PLXNA4: variants seen among roughly 807,000 people sequenced by gnomAD.
The protein encoded by PLXNA4 is plexin-A4.
PLXNA4 carries 44 observed loss-of-function variants against 191.8 expected under a neutral mutation model. That is an observed-to-expected ratio of 0.23 (90% CI 0.18 to 0.29). PLXNA4 has a LOEUF of 0.29. Among genes scored for constraint, PLXNA4 ranks in the 10% least tolerant of loss-of-function variants. The probability of loss-of-function intolerance (pLI) is 1.00; values close to 1 mark genes in which losing one functional copy is unlikely to be tolerated. For synonymous variants in PLXNA4, 1,082 were observed against 1,009.5 expected, an observed-to-expected ratio of 1.07 and a Z score of -1.36; for missense variants, 1,800 against 2,488.8, an observed-to-expected ratio of 0.72 and a Z score of 5.89.
intron 20 of PLXNA4, among the ~76,000 whole-genome samples, chr7:132,177,283 G>A (rs1796507533): frequency 6.6e-6 from 1 of 152,210 alleles, no homozygotes; most frequent in African/African-American, 2.4e-5. Flanking sequence ...AAATACACGG[G>A]TATGTTTATA....
At chr7:132,298,268 T>C (rs764418536) in intron 3 of PLXNA4, 46 bp from the exon 4 acceptor site, 66 of 1,571,946 alleles carry the variant, frequency 4.2e-5, no homozygotes, top group Non-Finnish European at 5.5e-5. Context: ...GATCCTGCAC[T>C]GCCCACAGCC....
intron 30 of PLXNA4, among the ~76,000 whole-genome samples, chr7:132,138,831 C>G (rs1276862137): frequency 6.6e-6 from 1 of 152,220 alleles, no homozygotes; most frequent in African/African-American, 2.4e-5. Flanking sequence ...TCAGCTCTGA[C>G]TATGCAGCCT....
intron 3 of PLXNA4, among the ~76,000 whole-genome samples, chr7:132,337,715 A>G (rs529040101): frequency 1.3e-5 from 2 of 152,314 alleles, no homozygotes; most frequent in African/African-American, 4.8e-5. Flanking sequence ...ACACAACCAG[A>G]CCATGTTCAA....
chr7:132,638,338 C>G (rs1357700289), intron 2 of PLXNA4, among the ~76,000 whole-genome samples: 1 of 152,184 alleles, frequency 6.6e-6, no homozygotes, highest in Non-Finnish European at 1.5e-5. Context: ...GTGAGACAAT[C>G]TCAGTAAAAC....
intron 30 of PLXNA4, among the ~76,000 whole-genome samples, chr7:132,134,171 G>A (rs140484485): frequency 6.6e-6 from 1 of 152,204 alleles, no homozygotes; most frequent in Non-Finnish European, 1.5e-5. Context: ...GGTTGTGCAA[G>A]TATTGGTGAC....
intron 3 of PLXNA4, among the ~76,000 whole-genome samples, chr7:132,437,199 C>A (rs1002780841): frequency 6.6e-6 from 1 of 152,210 alleles, no homozygotes; most frequent in African/African-American, 2.4e-5. Flanking sequence ...GCCACACCAA[C>A]TAATACAGGG....
rs566534562 is a variant in PLXNA4 at position 132,479,245 on chromosome 7, G to C, written c.1371+10047C>G. On this transcript the variant is annotated intron_variant, in intron 3 of 31. Coordinates refer to ENST00000321063, the MANE Select transcript of PLXNA4 (RefSeq NM_020911.2). ...GATAGCACCACTTCACTTTGGCCTG[G>C]GTGACAGAGCAAGACCCTATCTCTT... Among the ~76,000 whole-genome samples, 20 of 151,694 alleles carry C rather than the reference G, an allele frequency of 1.3e-4. 1 individual carries two copies. Among genetic ancestry groups the C allele is most frequent in the Admixed American group, 5.9e-4 (9 of 15,262 alleles).
intron 2 of PLXNA4, among the ~76,000 whole-genome samples, chr7:132,586,796 T>G (rs893524277): frequency 1.3e-5 from 2 of 152,024 alleles, no homozygotes; most frequent in African/African-American, 4.8e-5. Context: ...TGTGGTGGCA[T>G]GTGCCTGTAG....
intron 20 of PLXNA4, 22 bp downstream of exon 20, chr7:132,179,665 C>T: frequency 6.2e-7 from 1 of 1,604,104 alleles, no homozygotes; most frequent in Non-Finnish European, 8.5e-7. Flanking sequence ...CACATGGCCT[C>T]CAGCATGGGG....
intron 30 of PLXNA4, among the ~76,000 whole-genome samples, chr7:132,139,965 C>T (rs1171364776): frequency 6.6e-6 from 1 of 152,210 alleles, no homozygotes; most frequent in Non-Finnish European, 1.5e-5. Context: ...CATTAACCTT[C>T]TTTACCATGA....
chr7:132,241,249 T>A, intron 4 of PLXNA4, 83 bp from the exon 5 acceptor site: 1 of 883,324 alleles, frequency 1.1e-6, no homozygotes, highest in Non-Finnish European at 1.7e-6. Flanking sequence ...GCTCTAAATA[T>A]CAAGTGTATC....
At chr7:132,176,858 G>A (rs923801472) in intron 20 of PLXNA4, among the ~76,000 whole-genome samples, 1 of 152,098 alleles carries the variant, frequency 6.6e-6, no homozygotes, top group Non-Finnish European at 1.5e-5. Flanking sequence ...GTGTATGTCT[G>A]TGTGTATGCA....
intron 3 of PLXNA4, among the ~76,000 whole-genome samples, chr7:132,441,176 C>T (rs1168130424): frequency 6.6e-6 from 1 of 152,200 alleles, no homozygotes; most frequent in East Asian, 1.9e-4. Context: ...ACTGAAGTCT[C>T]CTAACTCTTA....
chr7:132,480,035 A>G (rs1055808308), intron 3 of PLXNA4, among the ~76,000 whole-genome samples: 1 of 152,160 alleles, frequency 6.6e-6, no homozygotes, highest in East Asian at 1.9e-4. Flanking sequence ...CTAACCTCCC[A>G]TTCAATCATA....
chr7:132,198,672 A>T, intron 12 of PLXNA4, 36 bp from the exon 13 acceptor site: 1 of 1,608,906 alleles, frequency 6.2e-7, no homozygotes, highest in Non-Finnish European at 8.5e-7. Flanking sequence ...GACAAACACC[A>T]AGATACTGCC....
intron 3 of PLXNA4, among the ~76,000 whole-genome samples, chr7:132,349,052 C>G (rs1046645074): frequency 2.6e-5 from 4 of 152,168 alleles, no homozygotes; most frequent in African/African-American, 9.7e-5. Context: ...CTGTAAGACA[C>G]TGGTAGCCAT....
intron 3 of PLXNA4, among the ~76,000 whole-genome samples, chr7:132,364,169 A>G (rs1804061737): frequency 6.6e-6 from 1 of 152,120 alleles, no homozygotes; most frequent in Admixed American, 6.5e-5. Flanking sequence ...GGGGCTGGGT[A>G]TGGGGAGGGA....
chr7:132,364,079 C>T (rs1326877121), intron 3 of PLXNA4, among the ~76,000 whole-genome samples: 1 of 152,242 alleles, frequency 6.6e-6, no homozygotes, highest in Non-Finnish European at 1.5e-5. Flanking sequence ...CATTCTCACT[C>T]ATCAGCAGCA....
At chr7:132,231,932 G>A (rs1031126911) in intron 5 of PLXNA4, among the ~76,000 whole-genome samples, 1 of 152,240 alleles carries the variant, frequency 6.6e-6, no homozygotes, top group South Asian at 2.1e-4. Context: ...TTAGTGGAAA[G>A]TCAAGTGTAA....
Sources: gnomAD v4.1 joint callset for allele counts (sites outside exome capture counted in the v4.1 genomes callset) on GRCh38, gnomAD v4.1.1 for gene constraint, MANE v1.5 for transcripts, NCBI Gene and HGNC (gene_info 2026-07-23, HGNC 2026-07-21) for gene names.